Variants in ALDH9A1 observed in about 807,000 individuals in gnomAD.
ALDH9A1 encodes 4-trimethylaminobutyraldehyde dehydrogenase.
A neutral mutation model predicts 56.6 loss-of-function variants in ALDH9A1; 42 were observed. The ratio of observed to expected loss-of-function variants is 0.74; its 90% confidence interval spans 0.58 to 0.96. The LOEUF (loss-of-function observed/expected upper bound fraction) is 0.96. ALDH9A1 is among the 40% of genes least tolerant of loss of function. ALDH9A1 has a pLI of 0.00. For synonymous variants in ALDH9A1, 242 were observed against 236.0 expected, an observed-to-expected ratio of 1.03 and a Z score of -0.23; for missense variants, 661 against 651.5, an observed-to-expected ratio of 1.01 and a Z score of -0.16.
intron 1 of ALDH9A1, among the ~76,000 whole-genome samples, chr1:165,697,953 C>T (rs1650143889): frequency 6.6e-6 from 1 of 152,100 alleles, no homozygotes; most frequent in Admixed American, 6.6e-5. Context: ...CACTTGAGCC[C>T]GTAAGGTAGA....
Position 165,667,396 on chromosome 1 carries a change from A to AT in ALDH9A1, c.1261dup (p.Met421AsnfsTer7), listed in dbSNP as rs1649040774. ...TTCAGTGTCAAATGATAAAATGGAC[A>AT]TAACAGGCCCAAAGATCTCTTCCTT... is the stretch of plus-strand genomic sequence containing the variant. On this transcript the variant is annotated frameshift_variant, in exon 9 of 11. Coordinates refer to ENST00000354775, the MANE Select transcript of ALDH9A1 (RefSeq NM_000696.4). LOFTEE classifies it high-confidence loss of function. 1 of 1,614,170 alleles carries AT rather than the reference A, an allele frequency of 6.2e-7. No homozygotes were observed.
rs749138817 is a variant in ALDH9A1, at chr1:165,680,589, G to A, written c.687C>T (p.Leu229=). ...IYSEAGVPPG[L]FNVVQGGAAT... is the part of the protein sequence containing the mutation. ...CAGCCCCTCCCTGCACCACATTGAA[G>A]AGCCCAGGAGGTACACCAGCCTCAC... Residue 229 remains leucine (L), a synonymous_variant, in exon 5 of 11, where the codon CTC becomes CTT. Transcript: ENST00000354775. 6.2e-7 allele frequency: 1 copy of A among 1,614,166 alleles called. No individual in the cohort carries two copies.
intron 2 of ALDH9A1, 63 bp from the exon 3 acceptor site, chr1:165,683,173 C>T (rs1024879871): frequency 6.5e-7 from 1 of 1,532,488 alleles, no homozygotes. Context: ...GTAATTAATG[C>T]TTAAATAGAA....
intron 2 of ALDH9A1, among the ~76,000 whole-genome samples, chr1:165,688,929 G>A (rs1298605494): frequency 7.2e-5 from 11 of 152,028 alleles, no homozygotes; most frequent in Admixed American, 7.2e-4. Context: ...CACCACACAG[G>A]TATCAAAGGA....
intron 2 of ALDH9A1, 32 bp from the exon 3 acceptor site, chr1:165,683,142 C>T (rs1474207565): frequency 6.2e-7 from 1 of 1,609,514 alleles, no homozygotes; most frequent in South Asian, 1.1e-5. Flanking sequence ...AGATTTAAGA[C>T]ATATTCCAAT....
chr1:165,677,292 G>A (rs765902764), intron 6 of ALDH9A1, among the ~76,000 whole-genome samples: 1 of 152,126 alleles, frequency 6.6e-6, no homozygotes, highest in Non-Finnish European at 1.5e-5. Flanking sequence ...TGGAGGGGCC[G>A]AGATTGCAGT....
chr1:165,668,789 C>T (rs1649083920), intron 8 of ALDH9A1, 137 bp downstream of exon 8: 1 of 647,386 alleles, frequency 1.5e-6, no homozygotes, highest in Non-Finnish European at 2.6e-6. Flanking sequence ...AGCAGTTCTA[C>T]TTCTTAAACT....
At chr1:165,687,484 AG>A (rs1649747962) in intron 2 of ALDH9A1, among the ~76,000 whole-genome samples, 1 of 152,148 alleles carries the variant, frequency 6.6e-6, no homozygotes, top group African/African-American at 2.4e-5. Flanking sequence ...TGGGGGGTAG[AG>A]GGAGTACATT....
At chr1:165,663,166 A>G (rs193004059) in intron 10 of ALDH9A1, 22 bp from the exon 11 acceptor site, 107 of 1,590,664 alleles carry the variant, frequency 6.7e-5, no homozygotes, top group Admixed American at 4.5e-4. Flanking sequence ...AGAAGGGGTC[A>G]GGTTGAGCCA....
intron 5 of ALDH9A1, among the ~76,000 whole-genome samples, chr1:165,680,155 TAAAAATCCTTTCTTCTATACAAG>T (rs1207731063): frequency 1.3e-5 from 2 of 152,062 alleles, no homozygotes; most frequent in Non-Finnish European, 2.9e-5. Context: ...ATAGCCTGAG[TAAAAATCCTTTCTTCTATACAAG>T]AAATTAAGTC....
chr1:165,669,132 C>G (rs1649095543), intron 7 of ALDH9A1, 119 bp from the exon 8 acceptor site: 2 of 1,322,652 alleles, frequency 1.5e-6, no homozygotes, highest in East Asian at 4.6e-5. Context: ...CAAAGCAGAA[C>G]ACAGCCAGGG....
intron 1 of ALDH9A1, among the ~76,000 whole-genome samples, chr1:165,696,148 G>A (rs1197730504): frequency 3.3e-5 from 5 of 151,968 alleles, no homozygotes; most frequent in Admixed American, 1.3e-4. Context: ...CACCACACCC[G>A]GCCTAGCAGT....
chr1:165,674,027 A>G (rs1389615172), intron 6 of ALDH9A1, among the ~76,000 whole-genome samples: 2 of 152,146 alleles, frequency 1.3e-5, no homozygotes, highest in Admixed American at 6.5e-5. Flanking sequence ...CAAAACCAAG[A>G]TGGTGATGAG....
rs138881936 is a variant in ALDH9A1 at position 165,694,780 on chromosome 1, A to G, written c.327+472T>C. Among the ~76,000 whole-genome samples the G allele has an allele frequency of 4.7e-3, 715 of 152,174 alleles. 7 individuals are homozygous for G. Among genetic ancestry groups the G allele is most frequent in the African/African-American group, 0.016 (685 of 41,522 alleles). On this transcript the variant is annotated intron_variant, in intron 2 of 10. Transcript: ENST00000354775. ...AAGACCAGCCTGGCCAACATGGTGAAATCCATCTCTACGAAAAATACAAAA... is the reference window on the plus strand; with the variant it reads ...AAGACCAGCCTGGCCAACATGGTGAGATCCATCTCTACGAAAAATACAAAA...
chr1:165,667,550 A>G, intron 8 of ALDH9A1, 100 bp from the exon 9 acceptor site: 2 of 1,352,814 alleles, frequency 1.5e-6, no homozygotes, highest in Non-Finnish European at 2.0e-6. Context: ...TATGTTGCCC[A>G]GTCTGGTCTC....
At chr1:165,691,575 T>A (rs1001007804) in intron 2 of ALDH9A1, among the ~76,000 whole-genome samples, 5 of 152,088 alleles carry the variant, frequency 3.3e-5, no homozygotes, top group Non-Finnish European at 7.4e-5. Context: ...AGATCGGTAA[T>A]AACAAACTTC....
chr1:165,667,360 A>G lies in ALDH9A1; in HGVS notation c.1298T>C (p.Leu433Pro). The G allele has an allele frequency of 6.2e-7, 1 of 1,614,158 alleles. No homozygotes were observed. Among genetic ancestry groups the G allele is most frequent in the Non-Finnish European group, 8.5e-7 (1 of 1,180,000 alleles). The part of the protein sequence containing the change: ...ILSFDTEAEV[L>P]ERANDTTFGL... ...AAAAGTGGTATCATTGGCTCTTTCT[A>G]GAACCTCAGCTTCAGTGTCAAATGA... Residue 433 changes from leucine (L) to proline (P), a missense_variant, in exon 9 of 11, where the codon CTA (leucine) becomes CCA (proline). Leu to Pro is a moderately conservative substitution (Grantham distance 98). Coordinates refer to ENST00000354775, the MANE Select transcript of ALDH9A1 (RefSeq NM_000696.4).
chr1:165,692,622 A>G (rs190419411), intron 2 of ALDH9A1, among the ~76,000 whole-genome samples: 2,021 of 152,310 alleles, frequency 0.013, 46 homozygotes, highest in African/African-American at 0.047. Flanking sequence ...TCAATATCGC[A>G]AAAATGGCCA....
At chr1:165,695,434 G>C (rs1394742779) in intron 1 of ALDH9A1, 37 bp from the exon 2 acceptor site, 2 of 1,463,022 alleles carry the variant, frequency 1.4e-6, no homozygotes, top group East Asian at 5.6e-5. Flanking sequence ...AACTCAAATT[G>C]TTGCCACATA....
Sources: gnomAD v4.1 joint callset for allele counts (sites outside exome capture counted in the v4.1 genomes callset) on GRCh38, gnomAD v4.1.1 for gene constraint, MANE v1.5 for transcripts, NCBI Gene and HGNC (gene_info 2026-07-23, HGNC 2026-07-21) for gene names.